ARID3A: variants seen among roughly 807,000 people sequenced by gnomAD.
The protein encoded by ARID3A is AT-rich interactive domain-containing protein 3A.
Under a neutral mutation model 52.7 loss-of-function variants are expected in ARID3A, and 11 were observed. The observed-to-expected ratio is 0.21, with a 90% CI of 0.13 to 0.35. The LOEUF (loss-of-function observed/expected upper bound fraction) is 0.35. Among genes scored for constraint, ARID3A ranks in the 10% least tolerant of loss-of-function variants. The pLI, the probability that ARID3A is intolerant of heterozygous loss-of-function variation, is 1.00. For synonymous variants in ARID3A, 404 were observed against 359.4 expected (o/e 1.12, Z -1.40); for missense variants, 721 against 838.5 (o/e 0.86, Z 1.73).
chr19:960,077 T>C lies in ARID3A; in HGVS notation c.694-15T>C, dbSNP rs1031300636. On this transcript the variant is annotated splice_polypyrimidine_tract_variant and intron_variant, in intron 3 of 8. Transcript: ENST00000263620. The surrounding 1 kb of genome is among the most constrained non-coding windows in gnomAD (Gnocchi z 4.3). ...CTCTGGCACCAACTAACCCATCCCC[T>C]CTCCACCCTCACAGCTCTACGAACT... 6.2e-7 allele frequency: 1 copy of C among 1,609,878 alleles called. No individual in the cohort carries two copies. The highest frequency in any genetic ancestry group is 8.5e-7 in the Non-Finnish European group (1 of 1,177,568).
At position 971,988 on chromosome 19, in the gene ARID3A, G is replaced by A. The variant is rs561845616; in HGVS notation, c.1705G>A (p.Gly569Arg). 1.6e-5 allele frequency: 26 copies of A among 1,601,924 alleles called. No homozygotes were observed. The highest frequency in any genetic ancestry group is 1.7e-4 in the Middle Eastern group (1 of 5,964). The stretch of plus-strand genomic sequence containing the variant: ...CGCAGGCGGCCGGGGAGGAAACACC[G>A]GAACCAGCGGCGGCCAGGCTGGGCC... ...SNAGGRGGNTGTSGGQAGPAG... is the reference protein window; with the variant it reads ...SNAGGRGGNTRTSGGQAGPAG... Residue 569 changes from glycine (G) to arginine (R), a missense_variant, in exon 9 of 9, where the codon GGA becomes AGA. Gly to Arg is a moderately radical substitution (Grantham distance 125, BLOSUM62 -2). This residue lies in a region of ARID3A where 297 missense variants were observed against 343.2 expected (regional missense o/e 0.87). Transcript: ENST00000263620.
intron 8 of ARID3A, among the ~76,000 whole-genome samples, chr19:969,659 A>G (rs978071886): frequency 2.7e-5 from 3 of 109,178 alleles, no homozygotes; most frequent in Admixed American, 1.1e-4. Flanking sequence ...TTTTATATCT[A>G]TATCTACATA....
Position 960,783 on chromosome 19 carries a change from G to C in ARID3A, c.766+619G>C, listed in dbSNP as rs1395515027. Among the ~76,000 whole-genome samples the C allele has an allele frequency of 6.6e-6, 1 of 152,136 alleles. No individual in the cohort carries two copies. Among genetic ancestry groups the C allele is most frequent in the Admixed American group, 6.5e-5 (1 of 15,276 alleles). On this transcript the variant is annotated intron_variant, in intron 4 of 8. Coordinates refer to ENST00000263620, the MANE Select transcript of ARID3A (RefSeq NM_005224.3). This position sits in a 1 kb window ranked among gnomAD's most constrained non-coding sequence, Gnocchi z 4.3. ...TGAGTGCAGGGCCGCTGTTTACTGT[G>C]CACACTTATTGGGCACCAACGGTAT... is the stretch of plus-strand genomic sequence containing the variant.
Position 947,549 on chromosome 19 carries a change from G to A in ARID3A, c.694-12543G>A, listed in dbSNP as rs150099128. On this transcript the variant is annotated intron_variant, in intron 3 of 8. Coordinates refer to ENST00000263620, the MANE Select transcript of ARID3A (RefSeq NM_005224.3). This position sits in a 1 kb window ranked among gnomAD's most constrained non-coding sequence, Gnocchi z 6.3. ...GTCTCAGCCCCCACCCAGATGCCCC[G>A]GGACCGTTTCACAGATGAGAAGACC... Among the ~76,000 whole-genome samples, 23 of 152,192 alleles carry A rather than the reference G, an allele frequency of 1.5e-4. No individual in the cohort carries two copies. In the South Asian group the frequency reaches 2.1e-3, roughly 14 times the overall value.
rs1215090149 is a variant in ARID3A at position 929,526 on chromosome 19, G to T, written c.-3G>T. 9.1e-5 allele frequency: 138 copies of T among 1,514,192 alleles called. No individual in the cohort carries two copies. Among genetic ancestry groups the T allele is most frequent in the Non-Finnish European group, 1.2e-4 (137 of 1,137,556 alleles). 93.8% of individuals were successfully genotyped at this position (1,514,192 alleles called of 1,614,324 possible). A position where few individuals can be genotyped will look rare whatever the true frequency, so the allele number is the denominator to read the frequency against. ...TGGTGGTGGTGGCCCGGGCCGCAGG[G>T]CCATGAAACTACAGGCCGTGATGGA... On this transcript the variant is annotated 5_prime_UTR_variant, in exon 2 of 9. Transcript: ENST00000263620. The surrounding 1 kb of genome is among the most constrained non-coding windows in gnomAD (Gnocchi z 6.2).
chr19:942,995 G>A lies in ARID3A; in HGVS notation c.693+10253G>A, dbSNP rs1329389505. ...CCCATGCCGGTCGGTTGTCCTCTAA[G>A]GGGGAGGTCACACCTGTGATCCCCG... On this transcript the variant is annotated intron_variant, in intron 3 of 8. Transcript: ENST00000263620. The surrounding 1 kb of genome is among the most constrained non-coding windows in gnomAD (Gnocchi z 8.1). Among the ~76,000 whole-genome samples, 2 of 152,182 alleles carry A rather than the reference G, an allele frequency of 1.3e-5. No homozygotes were observed. The highest frequency in any genetic ancestry group is 1.9e-4 in the East Asian group (1 of 5,188).
intron 8 of ARID3A, 103 bp downstream of exon 8, chr19:968,606 T>TGC: frequency 9.2e-7 from 1 of 1,089,982 alleles, no homozygotes. Context: ...AACCTAGGTG[T>TGC]GCGGGCGAGC....
chr19:933,521 C>T (rs532692336), intron 3 of ARID3A, among the ~76,000 whole-genome samples: 171 of 152,306 alleles, frequency 1.1e-3, no homozygotes, highest in African/African-American at 3.8e-3. Context: ...GCCACCTCCT[C>T]GCCCGGGGCT....
intron 3 of ARID3A, among the ~76,000 whole-genome samples, chr19:940,979 G>T (rs368903964): frequency 6.6e-6 from 1 of 152,098 alleles, no homozygotes; most frequent in African/African-American, 2.4e-5. Flanking sequence ...TGCCAGGAGC[G>T]TCGCTGACTC....
At chr19:956,865 G>A (rs1416897954) in intron 3 of ARID3A, 1 of 152,404 alleles carries the variant, frequency 6.6e-6, no homozygotes, top group Non-Finnish European at 1.5e-5. Context: ...CCCAGCACCT[G>A]GGATGTCCCC....
rs1180920800 is a variant in ARID3A at position 929,464 on chromosome 19, C to T, written c.-65C>T. On this transcript the variant is annotated 5_prime_UTR_variant, in exon 2 of 9. Transcript: ENST00000263620. The surrounding 1 kb of genome is among the most constrained non-coding windows in gnomAD (Gnocchi z 6.2). ...CCCTCCCCGCAGGGGCCGCCCCCGCCGCCCACCCCTAGCGCCCGTGGTGGT... is the reference window on the plus strand; with the variant it reads ...CCCTCCCCGCAGGGGCCGCCCCCGCTGCCCACCCCTAGCGCCCGTGGTGGT... 5.5e-5 allele frequency: 77 copies of T among 1,412,446 alleles called. No homozygotes were observed. The Middle Eastern group carries it at 7.8e-4, about 14-fold the overall frequency. The allele number at this position is 1,412,446 out of a possible 1,614,324, so 87.5% of individuals were successfully genotyped here.
At position 960,302 on chromosome 19, in the gene ARID3A, G is replaced by A; in HGVS notation, c.766+138G>A. On this transcript the variant is annotated intron_variant, in intron 4 of 8. Coordinates refer to ENST00000263620, the MANE Select transcript of ARID3A (RefSeq NM_005224.3). This position sits in a 1 kb window ranked among gnomAD's most constrained non-coding sequence, Gnocchi z 4.3. ...GCATCCAAGGCTCCTAAATCGGGAG[G>A]GACTTCAGGGGTGTCTTGGGGGGAA... 1 of 682,524 alleles carries A rather than the reference G, an allele frequency of 1.5e-6. No homozygotes were observed. Among genetic ancestry groups the A allele is most frequent in the South Asian group, 2.1e-5 (1 of 46,744 alleles). 42.3% of individuals were successfully genotyped at this position (682,524 alleles called of 1,614,324 possible). A position where few individuals can be genotyped will look rare whatever the true frequency, so the allele number is the denominator to read the frequency against.
intron 1 of ARID3A, among the ~76,000 whole-genome samples, chr19:927,730 C>A (rs1339074575): frequency 6.6e-6 from 1 of 151,986 alleles, no homozygotes; most frequent in African/African-American, 2.4e-5. Context: ...GGATGGGGGG[C>A]TGGGTGCCGC....
intron 7 of ARID3A, among the ~76,000 whole-genome samples, 153 bp downstream of exon 7, chr19:967,021 A>G (rs2079618): frequency 0.82 from 124,476 of 152,008 alleles, 51,465 homozygotes; most frequent in Middle Eastern, 0.88. Context: ...ACTTTGGGAG[A>G]CCGAGGTGGG....
chr19:937,113 C>A (rs2037452746), intron 3 of ARID3A, among the ~76,000 whole-genome samples: 1 of 152,064 alleles, frequency 6.6e-6, no homozygotes, highest in Non-Finnish European at 1.5e-5. Context: ...ACTAAAAATA[C>A]AAAAATTAGC....
chr19:955,375 C>A (rs948914305), intron 3 of ARID3A, among the ~76,000 whole-genome samples: 2 of 152,212 alleles, frequency 1.3e-5, no homozygotes, highest in Non-Finnish European at 2.9e-5. Context: ...CCTCCCCCGC[C>A]AGCAGCTGGG....
intron 2 of ARID3A, among the ~76,000 whole-genome samples, chr19:932,205 C>T (rs1433344011): frequency 6.6e-6 from 1 of 152,114 alleles, no homozygotes; most frequent in Non-Finnish European, 1.5e-5. Flanking sequence ...GCTGTAGGGA[C>T]GGCTTGTGCT....
chr19:929,449 A>AG lies in ARID3A; in HGVS notation c.-76dup. The AG allele has an allele frequency of 5.5e-6, 5 of 906,010 alleles. No homozygotes were observed. The highest frequency in any genetic ancestry group is 5.7e-6 in the Non-Finnish European group (4 of 707,860). 56.1% of individuals were successfully genotyped at this position (906,010 alleles called of 1,614,324 possible). ...CAGTGCGGCCGGGCCCCCTCCCCGC[A>AG]GGGGCCGCCCCCGCCGCCCACCCCT... On this transcript the variant is annotated 5_prime_UTR_variant, in exon 2 of 9. Transcript: ENST00000263620. The surrounding 1 kb of genome is among the most constrained non-coding windows in gnomAD (Gnocchi z 6.2).
chr19:968,509 AC>A lies in ARID3A; in HGVS notation c.1594+10del. ...CAACGGCATCATGTACACAGGTAGG[AC>A]CCCTGAGGCCACGCCCTGCCTGGAC... On this transcript the variant is annotated splice_region_variant and intron_variant, in intron 8 of 8. Coordinates refer to ENST00000263620, the MANE Select transcript of ARID3A (RefSeq NM_005224.3). 1 of 1,613,024 alleles carries A rather than the reference AC, an allele frequency of 6.2e-7. No homozygotes were observed. The highest frequency in any genetic ancestry group is 8.5e-7 in the Non-Finnish European group (1 of 1,179,584).
Sources: gnomAD v4.1 joint callset for allele counts (sites outside exome capture counted in the v4.1 genomes callset) on GRCh38, gnomAD v4.1.1 for gene constraint, gnomAD v4.1.1 regional missense constraint, Gnocchi (gnomAD v3.1) non-coding constraint, MANE v1.5 for transcripts, NCBI Gene and HGNC (gene_info 2026-07-23, HGNC 2026-07-21) for gene names.